Variants in DOK5 observed in about 807,000 individuals in gnomAD.
DOK5 encodes docking protein 5.
Under a neutral mutation model 43.3 loss-of-function variants are expected in DOK5, and 27 were observed. That is an observed-to-expected ratio of 0.62 (90% CI 0.46 to 0.86). DOK5 has a LOEUF of 0.86. Among genes scored for constraint, DOK5 ranks in the 40% least tolerant of loss-of-function variants. The pLI, the probability that DOK5 is intolerant of heterozygous loss-of-function variation, is 0.00. For missense variants in DOK5, 373 were observed against 392.9 expected (o/e 0.95, Z 0.43); for synonymous variants, 146 against 140.1 (o/e 1.04, Z -0.30).
intron 1 of DOK5, among the ~76,000 whole-genome samples, chr20:54,552,858 A>T (rs1019732685): frequency 1.5e-4 from 23 of 152,248 alleles, no homozygotes; most frequent in African/African-American, 5.1e-4. Context: ...CAGAAGAGAA[A>T]AATGGAATAT....
intron 1 of DOK5, among the ~76,000 whole-genome samples, chr20:54,508,623 C>T (rs918975763): frequency 1.1e-4 from 16 of 151,990 alleles, no homozygotes; most frequent in African/African-American, 3.9e-4. Context: ...CTTTGTTGCC[C>T]AGGCTGGAGT....
chr20:54,644,997 C>CT (rs869031533), intron 7 of DOK5, among the ~76,000 whole-genome samples: 1,023 of 82,418 alleles, frequency 0.012, 154 homozygotes, highest in Middle Eastern at 0.019. Flanking sequence ...TAAAAAAACT[C>CT]TTTTTTTTTT....
chr20:54,525,384 C>T lies in DOK5; in HGVS notation c.67-29549C>T, dbSNP rs6091913. Among the ~76,000 whole-genome samples, 894 of 152,244 alleles carry T rather than the reference C, an allele frequency of 5.9e-3. 9 individuals carry two copies. Among genetic ancestry groups the T allele is most frequent in the African/African-American group, 0.021 (858 of 41,538 alleles). ...TATTTTCAAATATGCATCCTTTGAA[C>T]GTATTTATGCAGGGAATATGCACTG... On this transcript the variant is annotated intron_variant, in intron 1 of 7. Transcript: ENST00000262593.
Position 54,648,755 on chromosome 20 carries a change from G to T in DOK5, c.857-1660G>T, listed in dbSNP as rs571194608. 2.0e-5 allele frequency among the ~76,000 whole-genome samples: 3 copies of T among 152,226 alleles called. No homozygotes were observed. In the South Asian group the frequency reaches 6.2e-4, roughly 32 times the overall value. On this transcript the variant is annotated intron_variant, in intron 7 of 7. Coordinates refer to ENST00000262593, the MANE Select transcript of DOK5 (RefSeq NM_018431.5). ...CAGCATGGCAGTGTCAGATTTAATCGATATTTTCATTCAAGGGATTGCAAG... is the reference window on the plus strand; with the variant it reads ...CAGCATGGCAGTGTCAGATTTAATCTATATTTTCATTCAAGGGATTGCAAG...
chr20:54,626,407 C>T (rs1477018955), intron 6 of DOK5, among the ~76,000 whole-genome samples: 3 of 152,168 alleles, frequency 2.0e-5, no homozygotes, highest in African/African-American at 7.2e-5. Flanking sequence ...CTTCAATTTT[C>T]ACAACTATCC....
intron 5 of DOK5, among the ~76,000 whole-genome samples, chr20:54,592,479 T>G (rs746725163): frequency 6.6e-6 from 1 of 152,032 alleles, no homozygotes; most frequent in Non-Finnish European, 1.5e-5. Flanking sequence ...GCCATAATCC[T>G]ATTTTCCTTG....
chr20:54,610,256 C>A, intron 5 of DOK5, 132 bp from the exon 6 acceptor site: 1 of 997,204 alleles, frequency 1.0e-6, no homozygotes, highest in Non-Finnish European at 1.3e-6. Context: ...TTCTAGTTAA[C>A]TTTGTTTAAC....
intron 4 of DOK5, among the ~76,000 whole-genome samples, chr20:54,589,843 G>C (rs1985927018): frequency 6.6e-6 from 1 of 152,108 alleles, no homozygotes; most frequent in Admixed American, 6.6e-5. Context: ...CATCTCCATG[G>C]AAATGTTATT....
intron 1 of DOK5, among the ~76,000 whole-genome samples, chr20:54,485,266 G>A (rs557601253): frequency 1.3e-5 from 2 of 151,986 alleles, no homozygotes; most frequent in African/African-American, 4.8e-5. Flanking sequence ...AGTGAGCGGC[G>A]GAGGTTGCAG....
At chr20:54,614,881 G>A (rs1280311012) in intron 6 of DOK5, among the ~76,000 whole-genome samples, 2 of 152,148 alleles carry the variant, frequency 1.3e-5, no homozygotes, top group Admixed American at 6.5e-5. Context: ...ACAAATGAAG[G>A]CAACATTACT....
In DOK5 at chr20:54,555,060, G is replaced by A. The variant is rs1355078256; in HGVS notation, c.174+20G>A. 2.0e-6 allele frequency: 3 copies of A among 1,525,072 alleles called. No homozygotes were observed. Among genetic ancestry groups the A allele is most frequent in the Non-Finnish European group, 2.7e-6 (3 of 1,099,014 alleles). The allele number at this position is 1,525,072 out of a possible 1,614,324, so 94.5% of individuals were successfully genotyped here. A position where few individuals can be genotyped will look rare whatever the true frequency, so the allele number is the denominator to read the frequency against. On this transcript the variant is annotated intron_variant, in intron 2 of 7. Transcript: ENST00000262593. ...CATAAGGTAAGACTCAATTGCTGTA[G>A]CTTTCCAGTAATCTATTTACAGGGA...
At chr20:54,582,598 G>T (rs1424013050) in intron 2 of DOK5, among the ~76,000 whole-genome samples, 1 of 151,620 alleles carries the variant, frequency 6.6e-6, no homozygotes, top group Non-Finnish European at 1.5e-5. Context: ...ATTTCTTCAT[G>T]ATTCAGTCTA....
chr20:54,481,131 C>CTATCATGT (rs370473409), intron 1 of DOK5, among the ~76,000 whole-genome samples: 1 of 139,476 alleles, frequency 7.2e-6, no homozygotes, highest in Non-Finnish European at 1.5e-5. Flanking sequence ...ATGTATCTAT[C>CTATCATGT]ATCTATCTAT....
At chr20:54,630,298 T>C (rs1350475795) in intron 6 of DOK5, among the ~76,000 whole-genome samples, 1 of 152,164 alleles carries the variant, frequency 6.6e-6, no homozygotes, top group African/African-American at 2.4e-5. Context: ...TAAGAAGTCT[T>C]ATAGAGTAGA....
intron 1 of DOK5, among the ~76,000 whole-genome samples, chr20:54,492,380 C>G (rs1326628240): frequency 6.6e-6 from 1 of 151,928 alleles, no homozygotes; most frequent in Non-Finnish European, 1.5e-5. Flanking sequence ...TGTTGAAACA[C>G]TTTTCAAAAA....
chr20:54,489,666 A>G (rs1176750397), intron 1 of DOK5, among the ~76,000 whole-genome samples: 1 of 152,066 alleles, frequency 6.6e-6, no homozygotes, highest in African/African-American at 2.4e-5. Context: ...AAACTGAGAT[A>G]CTAAGAGGTT....
chr20:54,562,564 G>A (rs1042946737), intron 2 of DOK5, among the ~76,000 whole-genome samples: 2 of 152,112 alleles, frequency 1.3e-5, no homozygotes, highest in South Asian at 2.1e-4. Flanking sequence ...AACTACAGGC[G>A]TGCGCCACCA....
intron 5 of DOK5, among the ~76,000 whole-genome samples, chr20:54,595,014 T>C (rs901382227): frequency 6.9e-6 from 1 of 145,902 alleles, no homozygotes; most frequent in Non-Finnish European, 1.5e-5. Flanking sequence ...TGTGTGTATA[T>C]GGGGTGTGTG....
intron 1 of DOK5, among the ~76,000 whole-genome samples, chr20:54,550,812 T>G (rs1266408858): frequency 6.6e-6 from 1 of 152,222 alleles, no homozygotes; most frequent in Non-Finnish European, 1.5e-5. Flanking sequence ...GATTTCCACA[T>G]TATGAGGCTT....
Sources: gnomAD v4.1 joint callset for allele counts (sites outside exome capture counted in the v4.1 genomes callset) on GRCh38, gnomAD v4.1.1 for gene constraint, MANE v1.5 for transcripts, NCBI Gene and HGNC (gene_info 2026-07-23, HGNC 2026-07-21) for gene names.